Variants in MRS2 observed in about 807,000 individuals in gnomAD.
MRS2 encodes the protein magnesium transporter MRS2, also known as magnesium transporter MRS2 homolog, mitochondrial.
Under a neutral mutation model 52.6 loss-of-function variants are expected in MRS2, and 40 were observed. That is an observed-to-expected ratio of 0.76 (90% CI 0.59 to 0.99). MRS2 has a LOEUF of 0.99. Ranked by LOEUF, MRS2 falls within the 50% of genes least tolerant of loss-of-function variation. The pLI, the probability that MRS2 is intolerant of heterozygous loss-of-function variation, is 0.00. For missense variants in MRS2, 472 were observed against 532.7 expected (o/e 0.89, Z 1.12); for synonymous variants, 193 against 195.9 (o/e 0.98, Z 0.13).
In MRS2 at chr6:24,418,173, C is replaced by T. The variant is rs776253911; in HGVS notation, c.926C>T (p.Ala309Val). 6.2e-7 allele frequency: 1 copy of T among 1,613,504 alleles called. No individual in the cohort carries two copies. The highest frequency in any genetic ancestry group is 8.5e-7 in the Non-Finnish European group (1 of 1,179,530). ...YYRLADDLSN[A>V]ARELRVLIDD... is the part of the protein sequence containing the mutation. ...CGATTGGCTGACGATCTCTCCAATG[C>T]AGCTCGTGAGCTTAGGGTGCTGATT... is the stretch of plus-strand genomic sequence containing the variant. Residue 309 changes from alanine (A) to valine (V), a missense_variant, in exon 8 of 11, where the codon GCA becomes GTA. Transcript: ENST00000378386.
At chr6:24,409,393 G>T in intron 3 of MRS2, 68 bp from the exon 4 acceptor site, 1 of 931,862 alleles carries the variant, frequency 1.1e-6, no homozygotes, top group Non-Finnish European at 1.6e-6. Flanking sequence ...TGGGAGGACT[G>T]CTCTGATGGA....
intron 2 of MRS2, among the ~76,000 whole-genome samples, chr6:24,407,573 A>G (rs1037175936): frequency 1.3e-5 from 2 of 152,208 alleles, no homozygotes; most frequent in Non-Finnish European, 2.9e-5. Context: ...CATCACTGAA[A>G]GATAGTCCCC....
intron 8 of MRS2, 111 bp from the exon 9 acceptor site, chr6:24,418,350 A>ATTTTTT: frequency 8.0e-7 from 1 of 1,246,804 alleles, no homozygotes; most frequent in Non-Finnish European, 1.1e-6. Flanking sequence ...CTACATTATT[A>ATTTTTT]TTATTTTTTT....
Position 24,403,087 on chromosome 6 carries a change from C to T in MRS2, c.41C>T (p.Ala14Val), listed in dbSNP as rs781076329. ...AGTTTACCCTGCCTCCTGCCCCGCG[C>T]GATGAGACTTCCCCGGCGGACGCTG... is the stretch of plus-strand genomic sequence containing the variant. Reference protein sequence around the residue: ...LRSLPCLLPRAMRLPRRTLCA... With the variant: ...LRSLPCLLPRVMRLPRRTLCA... Residue 14 changes from alanine (A) to valine (V), a missense_variant, in exon 1 of 11, where the codon GCG becomes GTG. Physicochemically the swap from Ala to Val is moderately conservative, Grantham distance 64 (BLOSUM62 0). Transcript: ENST00000378386. 2 of 1,612,108 alleles carry T rather than the reference C, an allele frequency of 1.2e-6. No homozygotes were observed. The highest frequency in any genetic ancestry group is 1.7e-6 in the Non-Finnish European group (2 of 1,179,632).
chr6:24,405,393 G>A (rs1458139299), intron 2 of MRS2, 152 bp downstream of exon 2: 3 of 599,384 alleles, frequency 5.0e-6, no homozygotes, highest in Non-Finnish European at 5.9e-6. Flanking sequence ...AGTGACCTAA[G>A]TGCCTGCTAG....
rs1761928325 is a variant in MRS2, at chr6:24,418,396, T to A, written c.990-65T>A. The A allele has an allele frequency of 3.7e-6, 6 of 1,601,712 alleles. No homozygotes were observed. The South Asian group carries it at 6.8e-5, about 18-fold the overall frequency. On this transcript the variant is annotated intron_variant, in intron 8 of 10. Transcript: ENST00000378386. ...GTTTCATCCATGTGGTCTGTATAGATTTGATGAATGTGCTGTATATAGTTA... is the reference window on the plus strand; with the variant it reads ...GTTTCATCCATGTGGTCTGTATAGAATTGATGAATGTGCTGTATATAGTTA...
At position 24,422,941 on chromosome 6, in the gene MRS2, A is replaced by G; in HGVS notation, c.1112A>G (p.His371Arg). Residue 371 changes from histidine to arginine, a missense_variant, in exon 10 of 11, where the codon CAT becomes CGT. Physicochemically the swap from His to Arg is conservative, Grantham distance 29. Transcript: ENST00000378386. ...MNLESSLEED[H>R]RIFWLITGIM... ...ATGAACTGTGTTCTCTTTTAGGACCATAGAATTTTTTGGCTGATTACAGGA... is the reference window on the plus strand; with the variant it reads ...ATGAACTGTGTTCTCTTTTAGGACCGTAGAATTTTTTGGCTGATTACAGGA... 2 of 1,612,070 alleles carry G rather than the reference A, an allele frequency of 1.2e-6. No homozygotes were observed. The highest frequency in any genetic ancestry group is 1.7e-6 in the Non-Finnish European group (2 of 1,178,398).
At position 24,405,178 on chromosome 6, in the gene MRS2, C is replaced by T; in HGVS notation, c.201C>T (p.His67=). The T allele has an allele frequency of 1.2e-6, 2 of 1,613,464 alleles. No homozygotes were observed. The highest frequency in any genetic ancestry group is 1.7e-6 in the Non-Finnish European group (2 of 1,179,406). Residue 67 remains histidine (H), a synonymous_variant, in exon 2 of 11, where the codon CAC becomes CAT. Coordinates refer to ENST00000378386, the MANE Select transcript of MRS2 (RefSeq NM_020662.4). ...PDRLRVAGEV[H]RFRTSDVSQA... ...TAATTTATTCTTCAGGTGAAGTGCA[C>T]CGGTTTAGAACCTCTGACGTCTCTC...
Position 24,423,572 on chromosome 6 carries a change from T to C in MRS2, c.1222-12T>C. On this transcript the variant is annotated splice_polypyrimidine_tract_variant and intron_variant, in intron 10 of 10. Transcript: ENST00000378386. ...AAAAAGATACTAAAATTAATACTTC[T>C]GCTTTATTTAGATGGCTTCTTTACC... 6.8e-7 allele frequency: 1 copy of C among 1,469,502 alleles called. No individual in the cohort carries two copies. Among genetic ancestry groups the C allele is most frequent in the Non-Finnish European group, 9.4e-7 (1 of 1,058,630 alleles). The allele number at this position is 1,469,502 out of a possible 1,614,324, so 91.0% of individuals were successfully genotyped here. A position where few individuals can be genotyped will look rare whatever the true frequency, so the allele number is the denominator to read the frequency against.
At chr6:24,423,104 C>G in intron 10 of MRS2, 54 bp downstream of exon 10, 1 of 1,433,390 alleles carries the variant, frequency 7.0e-7, no homozygotes, top group Non-Finnish European at 9.7e-7. Context: ...ATCATGGGCC[C>G]TAAAGTCAGA....
chr6:24,406,135 T>C (rs974887965), intron 2 of MRS2, among the ~76,000 whole-genome samples: 1 of 150,870 alleles, frequency 6.6e-6, no homozygotes, highest in Non-Finnish European at 1.5e-5. Context: ...GTGCCTATTC[T>C]GAGCCAGACT....
intron 8 of MRS2, 50 bp from the exon 9 acceptor site, chr6:24,418,411 G>A (rs2127295116): frequency 6.2e-7 from 1 of 1,610,834 alleles, no homozygotes; most frequent in Non-Finnish European, 8.5e-7. Context: ...TGAATGTGCT[G>A]TATATAGTTA....
chr6:24,420,234 C>T (rs979101990), intron 9 of MRS2, among the ~76,000 whole-genome samples: 4 of 152,146 alleles, frequency 2.6e-5, no homozygotes, highest in Non-Finnish European at 4.4e-5. Flanking sequence ...TTACTTCCTC[C>T]TCATCTTTCA....
chr6:24,418,166 T>C lies in MRS2; in HGVS notation c.919T>C (p.Ser307Pro). ...ENYYRLADDLSNAARELRVLI... is the reference protein window; with the variant it reads ...ENYYRLADDLPNAARELRVLI... ...CTACTACCGATTGGCTGACGATCTC[T>C]CCAATGCAGCTCGTGAGCTTAGGGT... Residue 307 changes from serine to proline, a missense_variant, in exon 8 of 11, where the codon TCC (serine) becomes CCC (proline). Physicochemically the swap from Ser to Pro is moderately conservative, Grantham distance 74 (BLOSUM62 -1). Transcript: ENST00000378386. 6.2e-7 allele frequency: 1 copy of C among 1,613,586 alleles called. No individual in the cohort carries two copies. Among genetic ancestry groups the C allele is most frequent in the Non-Finnish European group, 8.5e-7 (1 of 1,179,586 alleles).
chr6:24,412,754 C>T lies in MRS2; in HGVS notation c.588+359C>T, dbSNP rs1423192763. 2.0e-5 allele frequency among the ~76,000 whole-genome samples: 3 copies of T among 152,158 alleles called. No individual in the cohort carries two copies. In the East Asian group the frequency reaches 5.8e-4, roughly 29 times the overall value. Reference sequence around the variant, plus strand: ...ACATAGGAATCACGCACAGTTCTTCCAGTGACTCCTCCTTTAAATTAAGAG... The same window carrying T: ...ACATAGGAATCACGCACAGTTCTTCTAGTGACTCCTCCTTTAAATTAAGAG... On this transcript the variant is annotated intron_variant, in intron 5 of 10. Coordinates refer to ENST00000378386, the MANE Select transcript of MRS2 (RefSeq NM_020662.4).
chr6:24,423,971 CAG>C lies in MRS2; in HGVS notation c.*278_*279del, dbSNP rs1366043143. 1.0e-5 allele frequency: 2 copies of C among 196,516 alleles called. No homozygotes were observed. Among genetic ancestry groups the C allele is most frequent in the East Asian group, 2.3e-4 (2 of 8,782 alleles). The allele number at this position is 196,516 out of a possible 1,614,324, so 12.2% of individuals were successfully genotyped here. A position where few individuals can be genotyped will look rare whatever the true frequency, so the allele number is the denominator to read the frequency against. On this transcript the variant is annotated 3_prime_UTR_variant, in exon 11 of 11. Transcript: ENST00000378386. Reference sequence around the variant, plus strand: ...TGATATGAGGCAACACAAGCACAGACAGTTGCATAGATTTTAATTTATACATA... The same window carrying C: ...TGATATGAGGCAACACAAGCACAGACTTGCATAGATTTTAATTTATACATA...
chr6:24,416,481 CTG>C lies in MRS2; in HGVS notation c.808_809del (p.Val270IlefsTer5), dbSNP rs1761854438. 1 of 1,598,248 alleles carries C rather than the reference CTG, an allele frequency of 6.3e-7. No homozygotes were observed. The highest frequency in any genetic ancestry group is 2.2e-5 in the East Asian group (1 of 44,700). ...LDEEELLEEL[C>X]VSKWSDPQVF... ...ATGAGGAAGAGTTGCTAGAAGAGCT[CTG>C]TGTATCAAAATGGAGTGACCCACAA... On this transcript the variant is annotated frameshift_variant, in exon 7 of 11. Transcript: ENST00000378386. LOFTEE classifies it high-confidence loss of function.
intron 1 of MRS2, 85 bp downstream of exon 1, chr6:24,403,321 C>G: frequency 7.5e-7 from 1 of 1,333,030 alleles, no homozygotes; most frequent in South Asian, 1.5e-5. Context: ...GCGCGGCGCG[C>G]CTGTTGCTCC....
rs1762201226 is a variant in MRS2, at chr6:24,425,444, G to A, written c.*1750G>A. 3 of 152,186 alleles carry A rather than the reference G, an allele frequency of 2.0e-5. No individual in the cohort carries two copies. The South Asian group carries it at 6.2e-4, about 31-fold the overall frequency. The allele number at this position is 152,186 out of a possible 1,614,324, so 9.4% of individuals were successfully genotyped here. A position where few individuals can be genotyped will look rare whatever the true frequency, so the allele number is the denominator to read the frequency against. ...TAACTACCTCATAAGTCTGATAAAA[G>A]GAAGTTGCTAGTGTTTTATAGAATT... is the stretch of plus-strand genomic sequence containing the variant. On this transcript the variant is annotated 3_prime_UTR_variant, in exon 11 of 11. Coordinates refer to ENST00000378386, the MANE Select transcript of MRS2 (RefSeq NM_020662.4).
Sources: allele counts gnomAD v4.1 joint callset (sites outside exome capture counted in the v4.1 genomes callset), GRCh38; gene constraint gnomAD v4.1.1; transcripts MANE v1.5; gene names NCBI Gene and HGNC (gene_info 2026-07-23, HGNC 2026-07-21).